The following CNTNAP2 variants were observed in gnomAD, a reference collection of about 807,000 sequenced individuals.
CNTNAP2 encodes the protein contactin associated protein 2, also known as contactin-associated protein-like 2.
In CNTNAP2, 98 loss-of-function variants were observed where a neutral mutation model predicts 155.2. The ratio of observed to expected loss-of-function variants is 0.63; its 90% CI spans 0.54 to 0.75. The LOEUF is 0.75. Ranked by LOEUF, CNTNAP2 falls within the 30% of genes least tolerant of loss-of-function variation. The pLI is 0.00. For synonymous variants in CNTNAP2, 651 were observed against 631.2 expected (o/e 1.03, Z -0.47); for missense variants, 1,727 against 1,688.1 (o/e 1.02, Z -0.40).
chr7:147,508,967 A>G (rs1264976746), intron 11 of CNTNAP2, among the ~76,000 whole-genome samples: 2 of 152,196 alleles, frequency 1.3e-5, no homozygotes, highest in East Asian at 3.8e-4. Context: ...TAAATCTCCA[A>G]AGTTGTAAAT....
chr7:147,877,740 TTTTG>T (rs1400300213), intron 13 of CNTNAP2, among the ~76,000 whole-genome samples: 1 of 152,170 alleles, frequency 6.6e-6, no homozygotes, highest in African/African-American at 2.4e-5. Context: ...TTTTCATTGT[TTTTG>T]TTTGTTTGTT....
intron 1 of CNTNAP2, among the ~76,000 whole-genome samples, chr7:146,554,943 T>C (rs992123447): frequency 2.0e-5 from 3 of 152,238 alleles, no homozygotes; most frequent in African/African-American, 7.2e-5. Context: ...ATAATCATCC[T>C]GAGATCTACT....
chr7:148,283,629 T>C (rs1797028938), intron 21 of CNTNAP2, among the ~76,000 whole-genome samples: 1 of 151,300 alleles, frequency 6.6e-6, no homozygotes, highest in South Asian at 2.1e-4. Context: ...AGTATCATTT[T>C]TGTAGTCTAT....
intron 12 of CNTNAP2, among the ~76,000 whole-genome samples, chr7:147,582,883 T>C (rs182666216): frequency 6.6e-6 from 1 of 152,286 alleles, no homozygotes; most frequent in African/African-American, 2.4e-5. Context: ...CACATTCATT[T>C]AACTGCGGAC....
chr7:147,575,533 G>GTGTGTA, intron 12 of CNTNAP2, among the ~76,000 whole-genome samples: 1 of 151,138 alleles, frequency 6.6e-6, no homozygotes, highest in African/African-American at 2.4e-5. Context: ...GTGTGTGTGT[G>GTGTGTA]TGTATGTGTG....
intron 9 of CNTNAP2, among the ~76,000 whole-genome samples, chr7:147,351,209 A>G (rs1192857285): frequency 6.6e-6 from 1 of 151,866 alleles, no homozygotes; most frequent in African/African-American, 2.4e-5. Context: ...CCTGATATAT[A>G]CTAATTTACC....
At chr7:148,075,789 C>T (rs1380897813) in intron 15 of CNTNAP2, among the ~76,000 whole-genome samples, 2 of 152,144 alleles carry the variant, frequency 1.3e-5, no homozygotes, top group South Asian at 2.1e-4. Flanking sequence ...TCCACAAATC[C>T]GTTGATTTTA....
intron 13 of CNTNAP2, among the ~76,000 whole-genome samples, chr7:147,735,326 G>A (rs1484156035): frequency 1.3e-5 from 2 of 152,170 alleles, no homozygotes; most frequent in African/African-American, 4.8e-5. Context: ...ATGTAGTTGA[G>A]TGGTTTTGAG....
At chr7:148,029,697 A>G (rs1229595743) in intron 15 of CNTNAP2, among the ~76,000 whole-genome samples, 1 of 152,200 alleles carries the variant, frequency 6.6e-6, no homozygotes, top group Non-Finnish European at 1.5e-5. Context: ...CCTTGACTCG[A>G]TGGTAGTCTC....
At chr7:146,606,379 A>C (rs977957964) in intron 1 of CNTNAP2, among the ~76,000 whole-genome samples, 1 of 152,192 alleles carries the variant, frequency 6.6e-6, no homozygotes, top group African/African-American at 2.4e-5. Context: ...ATTTTACTAC[A>C]TTGAAGGAAT....
At chr7:146,451,847 C>CAT (rs1796485811) in intron 1 of CNTNAP2, among the ~76,000 whole-genome samples, 1 of 83,744 alleles carries the variant, frequency 1.2e-5, no homozygotes, top group Admixed American at 1.7e-4. Context: ...TATATATATA[C>CAT]ACGTATTCTA....
At chr7:148,068,023 A>G (rs1403322400) in intron 15 of CNTNAP2, among the ~76,000 whole-genome samples, 2 of 152,080 alleles carry the variant, frequency 1.3e-5, no homozygotes, top group Non-Finnish European at 2.9e-5. Flanking sequence ...CTGAGTTTAT[A>G]TCCAGGTGCC....
intron 14 of CNTNAP2, among the ~76,000 whole-genome samples, chr7:147,930,565 C>A (rs533162100): frequency 6.6e-6 from 1 of 152,120 alleles, no homozygotes; most frequent in Non-Finnish European, 1.5e-5. Flanking sequence ...GCATCAGTAC[C>A]TCTAAATATA....
At chr7:146,640,763 C>A (rs575905618) in intron 1 of CNTNAP2, among the ~76,000 whole-genome samples, 1 of 151,816 alleles carries the variant, frequency 6.6e-6, no homozygotes, top group African/African-American at 2.4e-5. Flanking sequence ...ATCTTGACTG[C>A]GAAAATTTTA....
rs150304446 is a variant in CNTNAP2, at chr7:147,039,969, C to A, written c.403-3938C>A. 3.7e-3 allele frequency among the ~76,000 whole-genome samples: 567 copies of A among 152,158 alleles called. 9 individuals carry two copies. Among genetic ancestry groups the A allele is most frequent in the Middle Eastern group, 0.014 (4 of 292 alleles). On this transcript the variant is annotated intron_variant, in intron 3 of 23. Transcript: ENST00000361727. ...TATTGACAAATGGGATCTAATTAAA[C>A]CTAAGAGCTTCTGCACAGCAAAAGA...
At chr7:148,385,229 CTT>C (rs956342020) in intron 22 of CNTNAP2, among the ~76,000 whole-genome samples, 1 of 152,332 alleles carries the variant, frequency 6.6e-6, no homozygotes, top group African/African-American at 2.4e-5. Context: ...AAACAATCCT[CTT>C]TGTTCCTCAC....
At chr7:147,229,391 G>T (rs1453812184) in intron 8 of CNTNAP2, among the ~76,000 whole-genome samples, 1 of 152,098 alleles carries the variant, frequency 6.6e-6, no homozygotes, top group Non-Finnish European at 1.5e-5. Flanking sequence ...TGAGCAGATG[G>T]GTGGTCCACT....
intron 8 of CNTNAP2, among the ~76,000 whole-genome samples, chr7:147,259,999 C>T (rs972996783): frequency 6.6e-6 from 1 of 152,152 alleles, no homozygotes; most frequent in Non-Finnish European, 1.5e-5. Context: ...ATAGATTGGT[C>T]ATTGGGTCAG....
At chr7:148,226,645 A>G (rs1482599129) in intron 19 of CNTNAP2, among the ~76,000 whole-genome samples, 1 of 149,216 alleles carries the variant, frequency 6.7e-6, no homozygotes, top group Non-Finnish European at 1.5e-5. Context: ...GGGAAAAAAA[A>G]TGCCTCAAAT....
Sources: gnomAD v4.1 joint callset for allele counts (sites outside exome capture counted in the v4.1 genomes callset) on GRCh38, gnomAD v4.1.1 for gene constraint, MANE v1.5 for transcripts, NCBI Gene and HGNC (gene_info 2026-07-23, HGNC 2026-07-21) for gene names.